ZFHX3: variants seen among roughly 807,000 people sequenced by gnomAD.
ZFHX3 encodes the protein zinc finger homeobox protein 3.
A neutral mutation model predicts 279.1 loss-of-function variants in ZFHX3; 42 were observed. That is an observed-to-expected ratio of 0.15 (90% CI 0.12 to 0.19). The LOEUF (loss-of-function observed/expected upper bound fraction) is 0.19, where lower values mean the gene tolerates loss of function less well. Among genes scored for constraint, ZFHX3 ranks in the 10% least tolerant of loss-of-function variants. The pLI, the probability that ZFHX3 is intolerant of heterozygous loss-of-function variation, is 1.00. For missense variants in ZFHX3, 4,981 were observed against 4,754.0 expected (o/e 1.05, Z -1.40); for synonymous variants, 2,293 against 1,957.8 (o/e 1.17, Z -4.52).
intron 1 of ZFHX3, among the ~76,000 whole-genome samples, chr16:72,997,037 G>A (rs1230476687): frequency 6.6e-6 from 1 of 152,162 alleles, no homozygotes; most frequent in Non-Finnish European, 1.5e-5. Flanking sequence ...GCTCCGGAAA[G>A]AGAACCGTTG....
At chr16:73,033,599 C>T (rs796207297) in intron 1 of ZFHX3, among the ~76,000 whole-genome samples, 29 of 152,290 alleles carry the variant, frequency 1.9e-4, no homozygotes, top group African/African-American at 6.7e-4. Context: ...CAGACAGCTG[C>T]GATGCTCTGT....
chr16:73,605,066 G>A (rs2052164066), intron 2 of ZFHX3, among the ~76,000 whole-genome samples: 1 of 152,136 alleles, frequency 6.6e-6, no homozygotes, highest in African/African-American at 2.4e-5. Flanking sequence ...ACCACATTCT[G>A]CTTTAAAGGT....
chr16:73,341,112 G>A (rs73589303), intron 3 of ZFHX3, among the ~76,000 whole-genome samples: 38,057 of 152,044 alleles, frequency 0.25, 5,959 homozygotes, highest in East Asian at 0.44. Context: ...GGAGGCCGAG[G>A]TGGGTGGATC....
chr16:73,747,143 C>G (rs1014532549), intron 1 of ZFHX3, among the ~76,000 whole-genome samples: 1 of 152,130 alleles, frequency 6.6e-6, no homozygotes, highest in African/African-American at 2.4e-5. Context: ...AATCCCAACA[C>G]TTTGGGAGGT....
intron 1 of ZFHX3, among the ~76,000 whole-genome samples, chr16:73,004,552 T>C (rs1963636550): frequency 6.6e-6 from 1 of 152,056 alleles, no homozygotes; most frequent in Admixed American, 6.5e-5. Flanking sequence ...GACCTTGTGA[T>C]GTGCCTGCCT....
intron 5 of ZFHX3, among the ~76,000 whole-genome samples, chr16:73,199,718 C>A (rs143601310): frequency 1.3e-3 from 196 of 152,324 alleles, no homozygotes; most frequent in Non-Finnish European, 2.3e-3. Context: ...TCCTTGCTAA[C>A]ACAGGCTCCT....
At chr16:73,424,456 A>G (rs2017773892) in intron 3 of ZFHX3, among the ~76,000 whole-genome samples, 1 of 152,178 alleles carries the variant, frequency 6.6e-6, no homozygotes, top group Non-Finnish European at 1.5e-5. Flanking sequence ...TCACAAGCAG[A>G]GCAACTCAAC....
chr16:73,381,846 C>T (rs1444681894), intron 3 of ZFHX3, among the ~76,000 whole-genome samples: 2 of 152,184 alleles, frequency 1.3e-5, no homozygotes, highest in Admixed American at 6.5e-5. Flanking sequence ...TTGTGACAGG[C>T]CGCATTCAAA....
intron 1 of ZFHX3, among the ~76,000 whole-genome samples, chr16:73,016,402 A>G (rs1390510793): frequency 6.6e-6 from 1 of 152,146 alleles, no homozygotes; most frequent in Admixed American, 6.5e-5. Context: ...AAAAAACAAA[A>G]CATAACCACC....
intron 2 of ZFHX3, among the ~76,000 whole-genome samples, chr16:73,470,039 C>A (rs1423326677): frequency 6.6e-6 from 1 of 152,162 alleles, no homozygotes; most frequent in East Asian, 1.9e-4. Context: ...AGTCTTCCAA[C>A]TCTAATGTGT....
intron 1 of ZFHX3, among the ~76,000 whole-genome samples, chr16:73,810,896 T>C (rs985815239): frequency 6.6e-6 from 1 of 152,012 alleles, no homozygotes; most frequent in African/African-American, 2.4e-5. Context: ...TTTTATAATA[T>C]ACCTATAATA....
intron 2 of ZFHX3, among the ~76,000 whole-genome samples, chr16:73,639,009 T>C (rs1295407834): frequency 1.3e-5 from 2 of 152,200 alleles, no homozygotes; most frequent in African/African-American, 4.8e-5. Flanking sequence ...ATTAGCATTG[T>C]GTTAGACTTC....
intron 3 of ZFHX3, among the ~76,000 whole-genome samples, chr16:73,397,511 T>G (rs1270221690): frequency 6.6e-6 from 1 of 152,052 alleles, no homozygotes; most frequent in African/African-American, 2.4e-5. Flanking sequence ...AGATAGTATT[T>G]GATTTGCATA....
At chr16:73,133,389 G>A (rs1043029418) in intron 6 of ZFHX3, among the ~76,000 whole-genome samples, 2 of 152,128 alleles carry the variant, frequency 1.3e-5, no homozygotes, top group African/African-American at 4.8e-5. Flanking sequence ...AGGTGTGGTG[G>A]CGAGTGCCTG....
chr16:72,822,795 G>GTTTTTTTTTTTTTT (rs11365314), intron 5 of ZFHX3, among the ~76,000 whole-genome samples: 1 of 90,438 alleles, frequency 1.1e-5, no homozygotes, highest in Non-Finnish European at 2.1e-5. Flanking sequence ...TAGAAAGTGA[G>GTTTTTTTTTTTTTT]TTTTTTTTTT....
At chr16:73,856,992 G>A (rs931186880) in intron 1 of ZFHX3, among the ~76,000 whole-genome samples, 68 of 152,346 alleles carry the variant, frequency 4.5e-4, no homozygotes, top group Admixed American at 7.2e-4. Flanking sequence ...GGTGGCCAGA[G>A]AGCGGCACAG....
At chr16:73,704,731 C>G (rs2142220168) in intron 1 of ZFHX3, among the ~76,000 whole-genome samples, 1 of 152,234 alleles carries the variant, frequency 6.6e-6, no homozygotes, top group East Asian at 1.9e-4. Flanking sequence ...GAGAGTGAGC[C>G]AGAGGAGCCG....
intron 4 of ZFHX3, among the ~76,000 whole-genome samples, chr16:73,261,651 T>C (rs1422602066): frequency 6.8e-6 from 1 of 147,168 alleles, no homozygotes; most frequent in Non-Finnish European, 1.5e-5. Context: ...TGTATAAATA[T>C]AAACATTCCT....
chr16:73,395,279 C>A (rs4620990), intron 3 of ZFHX3, among the ~76,000 whole-genome samples: 1 of 152,136 alleles, frequency 6.6e-6, no homozygotes, highest in Non-Finnish European at 1.5e-5. Flanking sequence ...GCCTGGCCAA[C>A]ATGGAGAAAC....
Sources: gnomAD v4.1 joint callset for allele counts (sites outside exome capture counted in the v4.1 genomes callset) on GRCh38, gnomAD v4.1.1 for gene constraint, MANE v1.5 for transcripts, NCBI Gene and HGNC (gene_info 2026-07-23, HGNC 2026-07-21) for gene names.